The following TENM4 variants were observed in gnomAD, a reference collection of about 807,000 sequenced individuals.
TENM4 encodes teneurin transmembrane protein 4.
TENM4 carries 82 observed loss-of-function variants against 243.3 expected under a neutral mutation model. The ratio of observed to expected loss-of-function variants is 0.34; its 90% CI spans 0.28 to 0.40. The LOEUF (loss-of-function observed/expected upper bound fraction) is 0.40, where lower values mean the gene tolerates loss of function less well. TENM4 is among the 10% of genes least tolerant of loss of function. The pLI, the probability that TENM4 is intolerant of heterozygous loss-of-function variation, is 1.00. For synonymous variants in TENM4, 1,412 were observed against 1,456.3 expected, an observed-to-expected ratio of 0.97 and a Z score of 0.69; for missense variants, 3,138 against 3,673.3, an observed-to-expected ratio of 0.85 and a Z score of 3.77.
At chr11:79,036,083 C>T (rs1214208548) in intron 6 of TENM4, among the ~76,000 whole-genome samples, 2 of 152,184 alleles carry the variant, frequency 1.3e-5, no homozygotes, top group Non-Finnish European at 2.9e-5. Flanking sequence ...TAGGGCATCG[C>T]TGCTCGACTT....
chr11:79,257,701 G>A (rs1855723276), intron 2 of TENM4, among the ~76,000 whole-genome samples: 1 of 152,152 alleles, frequency 6.6e-6, no homozygotes, highest in Non-Finnish European at 1.5e-5. Context: ...GAGTAAAAAG[G>A]AATACACAGG....
intron 1 of TENM4, among the ~76,000 whole-genome samples, chr11:79,333,793 G>A (rs968853970): frequency 6.6e-6 from 1 of 152,138 alleles, no homozygotes; most frequent in Non-Finnish European, 1.5e-5. Context: ...GCATTTTCCA[G>A]CAATTAAAAA....
intron 28 of TENM4, among the ~76,000 whole-genome samples, chr11:78,692,084 C>A (rs1190670042): frequency 6.6e-6 from 1 of 152,202 alleles, no homozygotes; most frequent in Non-Finnish European, 1.5e-5. Context: ...GTTCTCTGAA[C>A]TCCCTGGGCT....
chr11:78,902,275 T>C (rs903853995), intron 7 of TENM4, among the ~76,000 whole-genome samples: 2 of 152,254 alleles, frequency 1.3e-5, no homozygotes, highest in Non-Finnish European at 2.9e-5. Context: ...TTCATAGTTT[T>C]CTGCATTTTC....
chr11:78,673,335 G>A (rs1268856077), intron 30 of TENM4, among the ~76,000 whole-genome samples: 1 of 152,200 alleles, frequency 6.6e-6, no homozygotes, highest in African/African-American at 2.4e-5. Flanking sequence ...TCCGCTAATT[G>A]GTGTCTGGCC....
chr11:78,820,937 A>G (rs1039820564), intron 12 of TENM4, among the ~76,000 whole-genome samples: 3 of 152,236 alleles, frequency 2.0e-5, no homozygotes, highest in Admixed American at 2.0e-4. Context: ...GGTGCTGGAA[A>G]GCTGTTCCAT....
intron 1 of TENM4, among the ~76,000 whole-genome samples, chr11:79,343,916 C>A (rs1365647850): frequency 6.6e-6 from 1 of 152,222 alleles, no homozygotes; most frequent in Non-Finnish European, 1.5e-5. Flanking sequence ...CGGTGGACAT[C>A]CCCTTAGCTG....
intron 6 of TENM4, among the ~76,000 whole-genome samples, chr11:78,984,057 T>G (rs1426743658): frequency 6.6e-6 from 1 of 152,156 alleles, no homozygotes; most frequent in Non-Finnish European, 1.5e-5. Context: ...CTCTTCGGAC[T>G]CTGGCTTTCT....
At position 79,398,641 on chromosome 11, in the gene TENM4, T is replaced by G. The variant is rs73496628; in HGVS notation, c.-321+41868A>C. 2.4e-3 allele frequency among the ~76,000 whole-genome samples: 365 copies of G among 151,488 alleles called. 5 individuals are homozygous for G. The highest frequency in any genetic ancestry group is 8.5e-3 in the African/African-American group (352 of 41,212). On this transcript the variant is annotated intron_variant, in intron 1 of 33. Transcript: ENST00000278550. ...CTAAATAGTATGGACCCAATAGAACTTAACATGATCAGGGATGATCACAGA... is the reference window on the plus strand; with the variant it reads ...CTAAATAGTATGGACCCAATAGAACGTAACATGATCAGGGATGATCACAGA...
intron 1 of TENM4, among the ~76,000 whole-genome samples, chr11:79,400,658 A>G (rs1196776892): frequency 6.6e-6 from 1 of 152,194 alleles, no homozygotes; most frequent in Non-Finnish European, 1.5e-5. Flanking sequence ...CAAAATGGCA[A>G]TTGTAATAGT....
intron 2 of TENM4, among the ~76,000 whole-genome samples, chr11:79,295,212 C>T (rs958552333): frequency 6.6e-6 from 1 of 152,184 alleles, no homozygotes; most frequent in Non-Finnish European, 1.5e-5. Flanking sequence ...GTTGCTAAGC[C>T]TACCTTTCTT....
intron 6 of TENM4, among the ~76,000 whole-genome samples, chr11:79,005,523 C>T (rs1156401373): frequency 6.6e-6 from 1 of 152,092 alleles, no homozygotes; most frequent in Non-Finnish European, 1.5e-5. Context: ...CTCAAAGAGG[C>T]AGAAAAGGCT....
chr11:79,089,220 A>C (rs1272053477), intron 4 of TENM4, among the ~76,000 whole-genome samples: 2 of 152,168 alleles, frequency 1.3e-5, no homozygotes, highest in East Asian at 1.9e-4. Flanking sequence ...GCTCCAAGGG[A>C]GCATCACAAA....
chr11:78,814,024 C>T (rs1209597558), intron 13 of TENM4, among the ~76,000 whole-genome samples: 1 of 152,190 alleles, frequency 6.6e-6, no homozygotes, highest in African/African-American at 2.4e-5. Flanking sequence ...GCCCCAGCAA[C>T]AGACACTGAC....
At chr11:79,425,147 C>T (rs1328696103) in intron 1 of TENM4, among the ~76,000 whole-genome samples, 3 of 152,172 alleles carry the variant, frequency 2.0e-5, no homozygotes, top group Non-Finnish European at 4.4e-5. Context: ...GCTCACTCCG[C>T]AGGCCCTTAC....
chr11:78,766,784 C>T (rs1044403745), intron 18 of TENM4, among the ~76,000 whole-genome samples: 2 of 149,428 alleles, frequency 1.3e-5, no homozygotes, highest in Non-Finnish European at 3.0e-5. Flanking sequence ...CTCACTGAAA[C>T]CTCCGCCTCC....
chr11:79,122,124 G>A (rs1359525745), intron 4 of TENM4, among the ~76,000 whole-genome samples: 2 of 152,134 alleles, frequency 1.3e-5, no homozygotes, highest in Non-Finnish European at 2.9e-5. Flanking sequence ...TTAAAAATGT[G>A]TCTCCTTTCT....
chr11:79,247,050 G>T (rs1278770808), intron 2 of TENM4, among the ~76,000 whole-genome samples: 1 of 149,730 alleles, frequency 6.7e-6, no homozygotes, highest in Admixed American at 6.6e-5. Context: ...CTCTTCTAGA[G>T]GGAACTCCTG....
intron 7 of TENM4, among the ~76,000 whole-genome samples, chr11:78,892,960 G>T (rs1480539766): frequency 2.0e-5 from 3 of 152,220 alleles, no homozygotes; most frequent in Non-Finnish European, 1.5e-5. Flanking sequence ...ACCCAAACGA[G>T]GAGGGGCTGT....
Sources: allele counts gnomAD v4.1 joint callset (sites outside exome capture counted in the v4.1 genomes callset), GRCh38; gene constraint gnomAD v4.1.1; transcripts MANE v1.5; gene names NCBI Gene and HGNC (gene_info 2026-07-23, HGNC 2026-07-21).